Variants in PHACTR2 observed in about 807,000 individuals in gnomAD.
PHACTR2 encodes the protein chromosome 6 open reading frame 56.
PHACTR2 carries 30 observed loss-of-function variants against 76.0 expected under a neutral mutation model. The observed-to-expected ratio is 0.39, with a 90% CI of 0.30 to 0.54. PHACTR2 has a LOEUF of 0.54. PHACTR2 is among the 20% of genes least tolerant of loss of function. The pLI is 0.61. For synonymous variants in PHACTR2, 292 were observed against 292.5 expected, an observed-to-expected ratio of 1.00 and a Z score of 0.02; for missense variants, 696 against 781.1, an observed-to-expected ratio of 0.89 and a Z score of 1.30.
rs1190493534 is a variant in PHACTR2, at chr6:143,722,673, A to G, written c.214+10490A>G. Among the ~76,000 whole-genome samples the G allele has an allele frequency of 6.6e-6, 1 of 152,142 alleles. No individual in the cohort carries two copies. The highest frequency in any genetic ancestry group is 2.4e-5 in the African/African-American group (1 of 41,442). On this transcript the variant is annotated intron_variant, in intron 2 of 12. Transcript: ENST00000440869. This position sits in a 1 kb window ranked among gnomAD's most constrained non-coding sequence, Gnocchi z 4.1. ...TTTGAGATATACAATATTGTTAGCT[A>G]TAGTCACCCCATTGTGCTACTGAAC... is the stretch of plus-strand genomic sequence containing the variant.
Position 143,811,467 on chromosome 6 carries a change from T to C in PHACTR2, c.1922+4334T>C, listed in dbSNP as rs190502386. Among the ~76,000 whole-genome samples, 76 of 152,316 alleles carry C rather than the reference T, an allele frequency of 5.0e-4. No homozygotes were observed. The highest frequency in any genetic ancestry group is 1.8e-3 in the African/African-American group (73 of 41,582). On this transcript the variant is annotated intron_variant, in intron 12 of 12. Coordinates refer to ENST00000440869, the MANE Select transcript of PHACTR2 (RefSeq NM_001100164.2). The surrounding 1 kb of genome is among the most constrained non-coding windows in gnomAD (Gnocchi z 4.1). The stretch of plus-strand genomic sequence containing the variant: ...AGTCTATTGATATTTTTATTGCTTA[T>C]GTAAATATAAACAGATGCAAATATA...
chr6:143,596,324 T>C lies in PHACTR2; in HGVS notation c.217+59117T>C, dbSNP rs1166508212. ...TGGGAGCGGCTAACTAAGCGGGTCGTCCTTTCTCAGAAGGTTTATTTCTTG... is the reference window on the plus strand; with the variant it reads ...TGGGAGCGGCTAACTAAGCGGGTCGCCCTTTCTCAGAAGGTTTATTTCTTG... On this transcript the variant is annotated intron_variant, in intron 1 of 11. Coordinates refer to the PHACTR2 transcript ENST00000367584. The surrounding 1 kb of genome is among the most constrained non-coding windows in gnomAD (Gnocchi z 4.6). Among the ~76,000 whole-genome samples the C allele has an allele frequency of 6.6e-6, 1 of 152,124 alleles. No individual in the cohort carries two copies. The highest frequency in any genetic ancestry group is 1.5e-5 in the Non-Finnish European group (1 of 68,026).
rs1385641430 is a variant in PHACTR2, at chr6:143,828,336, A to C, written c.*4647A>C. The C allele has an allele frequency of 6.6e-6, 1 of 152,152 alleles. No homozygotes were observed. Among genetic ancestry groups the C allele is most frequent in the African/African-American group, 2.4e-5 (1 of 41,408 alleles). 9.4% of individuals were successfully genotyped at this position (152,152 alleles called of 1,614,324 possible). A position where few individuals can be genotyped will look rare whatever the true frequency, so the allele number is the denominator to read the frequency against. On this transcript the variant is annotated 3_prime_UTR_variant, in exon 13 of 13. Transcript: ENST00000440869. This position sits in a 1 kb window ranked among gnomAD's most constrained non-coding sequence, Gnocchi z 4.7. ...ACTGTAAAGGCAGGCAGTGACCAAG[A>C]GGTGGTGGGGAGAGAGGTAGAGTAC...
chr6:143,560,675 G>A (rs1394923399), intron 1 of PHACTR2, among the ~76,000 whole-genome samples: 3 of 152,140 alleles, frequency 2.0e-5, no homozygotes, highest in African/African-American at 7.2e-5. Flanking sequence ...GACCTAGACT[G>A]GGATTGCCAA....
At chr6:143,567,092 T>G (rs1775374685) in intron 1 of PHACTR2, among the ~76,000 whole-genome samples, 1 of 152,164 alleles carries the variant, frequency 6.6e-6, no homozygotes, top group African/African-American at 2.4e-5. Context: ...CCTTTCTGTG[T>G]CTTTCCCAGA....
At chr6:143,719,360 T>C (rs1375623885) in intron 2 of PHACTR2, among the ~76,000 whole-genome samples, 1 of 140,738 alleles carries the variant, frequency 7.1e-6, no homozygotes, top group Non-Finnish European at 1.5e-5. Context: ...TTTTTTTTTT[T>C]TTTTTTTTTT....
At chr6:143,626,515 C>G (rs1278076424) in intron 1 of PHACTR2, among the ~76,000 whole-genome samples, 2 of 120,262 alleles carry the variant, frequency 1.7e-5, no homozygotes, top group Non-Finnish European at 3.4e-5. Context: ...CCATCCTGGG[C>G]AGCAGAGCGA....
Position 143,652,244 on chromosome 6 carries a change from G to T in PHACTR2, c.13+43922G>T, listed in dbSNP as rs1776775209. On this transcript the variant is annotated intron_variant, in intron 1 of 11. Coordinates refer to the PHACTR2 transcript ENST00000305766. This position sits in a 1 kb window ranked among gnomAD's most constrained non-coding sequence, Gnocchi z 4.5. ...TTTCTTTAAATACATACCATTTCTT[G>T]AAATACATTTATTAAGCACAGATGA... Among the ~76,000 whole-genome samples the T allele has an allele frequency of 6.6e-6, 1 of 152,122 alleles. No individual in the cohort carries two copies. Among genetic ancestry groups the T allele is most frequent in the Non-Finnish European group, 1.5e-5 (1 of 68,014 alleles).
Position 143,668,381 on chromosome 6 carries a change from G to T in PHACTR2, c.14-43635G>T, listed in dbSNP as rs141044640. Among the ~76,000 whole-genome samples the T allele has an allele frequency of 1.8e-4, 27 of 152,184 alleles. No homozygotes were observed. In the East Asian group the frequency reaches 5.2e-3, roughly 29 times the overall value. On this transcript the variant is annotated intron_variant, in intron 1 of 11. Transcript: ENST00000305766. The stretch of plus-strand genomic sequence containing the variant: ...CAGGTTTTGGTATCAGGATGATGTT[G>T]GCCTCATAAAATGAGTTAGGGAGGA...
rs11969749 is a variant in PHACTR2 at position 143,750,914 on chromosome 6, A to G, written c.295+1849A>G. On this transcript the variant is annotated intron_variant, in intron 3 of 12. Transcript: ENST00000440869. The surrounding 1 kb of genome is among the most constrained non-coding windows in gnomAD (Gnocchi z 4.6). ...ACTTTCCAGCTTTTCCATGGTCCCT[A>G]TCTAGAACCGTAGAAATTATCTAAT... Among the ~76,000 whole-genome samples, 6,697 of 152,282 alleles carry G rather than the reference A, an allele frequency of 0.044. 500 individuals carry two copies. The highest frequency in any genetic ancestry group is 0.15 in the African/African-American group (6,277 of 41,524).
chr6:143,771,232 A>ATATG lies in PHACTR2; in HGVS notation c.1233-1025_1233-1022dup, dbSNP rs1307569921. Among the ~76,000 whole-genome samples the ATATG allele has an allele frequency of 5.4e-5, 5 of 92,130 alleles. 1 individual carries two copies. The highest frequency in any genetic ancestry group is 1.0e-4 in the Non-Finnish European group (5 of 47,992). The allele number at this position is 92,130 out of a possible 152,430, so 60.4% of individuals were successfully genotyped here. A position where few individuals can be genotyped will look rare whatever the true frequency, so the allele number is the denominator to read the frequency against. ...TATATATATATATATATATATATAT[A>ATATG]TATGCTTTTTTTTATTTTTTTGAGA... is the stretch of plus-strand genomic sequence containing the variant. On this transcript the variant is annotated intron_variant, in intron 6 of 12. Coordinates refer to ENST00000440869, the MANE Select transcript of PHACTR2 (RefSeq NM_001100164.2).
intron 1 of PHACTR2, among the ~76,000 whole-genome samples, chr6:143,681,331 T>C (rs995939558): frequency 6.6e-6 from 1 of 152,216 alleles, no homozygotes; most frequent in East Asian, 1.9e-4. Context: ...GGTTTTGATT[T>C]CCTTTTCCCT....
Position 143,581,386 on chromosome 6 carries a change from A to G in PHACTR2, c.217+44179A>G, listed in dbSNP as rs1176200623. 6.6e-6 allele frequency among the ~76,000 whole-genome samples: 1 copy of G among 151,994 alleles called. No homozygotes were observed. The highest frequency in any genetic ancestry group is 1.9e-4 in the East Asian group (1 of 5,168). ...TCAAGACAAGGAAGGAGGTGAGCTG[A>G]CAGATGTGCTGGAAGAGCACAAGGA... On this transcript the variant is annotated intron_variant, in intron 1 of 11. Transcript: ENST00000367584. The surrounding 1 kb of genome is among the most constrained non-coding windows in gnomAD (Gnocchi z 4.5).
In PHACTR2 at chr6:143,830,777, A is replaced by G. The variant is rs1776651410; in HGVS notation, c.*7088A>G. On this transcript the variant is annotated 3_prime_UTR_variant, in exon 13 of 13. Transcript: ENST00000440869. Reference sequence around the variant, plus strand: ...CTTTCCTAAGTATATATAAATGCATATATGTATAAAATTGGGAAAAGTTAC... The same window carrying G: ...CTTTCCTAAGTATATATAAATGCATGTATGTATAAAATTGGGAAAAGTTAC... 1 of 152,248 alleles carries G rather than the reference A, an allele frequency of 6.6e-6. No individual in the cohort carries two copies. Among genetic ancestry groups the G allele is most frequent in the Non-Finnish European group, 1.5e-5 (1 of 68,028 alleles). The allele number at this position is 152,248 out of a possible 1,614,324, so 9.4% of individuals were successfully genotyped here.
Position 143,807,573 on chromosome 6 carries a change from C to T in PHACTR2, c.1922+440C>T, listed in dbSNP as rs770479423. On this transcript the variant is annotated intron_variant, in intron 12 of 12. Transcript: ENST00000440869. The surrounding 1 kb of genome is among the most constrained non-coding windows in gnomAD (Gnocchi z 5.5). The stretch of plus-strand genomic sequence containing the variant: ...GTCTGAAGACATCATTTATTCTGCT[C>T]TTGAACAGACTTAGTTGAAGTTGTA... 6.6e-6 allele frequency among the ~76,000 whole-genome samples: 1 copy of T among 152,140 alleles called. No individual in the cohort carries two copies. The highest frequency in any genetic ancestry group is 2.1e-4 in the South Asian group (1 of 4,828).
rs1250852084 is a variant in PHACTR2, at chr6:143,683,645, C to T, written c.46+5436C>T. On this transcript the variant is annotated intron_variant, in intron 1 of 12. Transcript: ENST00000440869. This position sits in a 1 kb window ranked among gnomAD's most constrained non-coding sequence, Gnocchi z 4.1. The stretch of plus-strand genomic sequence containing the variant: ...CTGGGTTTCCAAGTTTTGTTCAGGG[C>T]CCTGTATTTGTCTTGTCCAGAATAT... Among the ~76,000 whole-genome samples the T allele has an allele frequency of 6.6e-6, 1 of 152,118 alleles. No homozygotes were observed. The highest frequency in any genetic ancestry group is 1.5e-5 in the Non-Finnish European group (1 of 68,030).
chr6:143,695,993 G>A lies in PHACTR2; in HGVS notation c.47-16023G>A, dbSNP rs1777762009. The stretch of plus-strand genomic sequence containing the variant: ...GTTGTATTAATCAAGTAAGCAACTG[G>A]CCTTTTCTATAAAATAGTTTTATGT... On this transcript the variant is annotated intron_variant, in intron 1 of 12. Transcript: ENST00000440869. The surrounding 1 kb of genome is among the most constrained non-coding windows in gnomAD (Gnocchi z 4.4). Among the ~76,000 whole-genome samples the A allele has an allele frequency of 6.6e-6, 1 of 152,102 alleles. No individual in the cohort carries two copies. The highest frequency in any genetic ancestry group is 6.5e-5 in the Admixed American group (1 of 15,268).
chr6:143,814,000 A>T (rs952966434), intron 12 of PHACTR2, among the ~76,000 whole-genome samples: 1 of 152,220 alleles, frequency 6.6e-6, no homozygotes, highest in African/African-American at 2.4e-5. Context: ...TGTATGTTAC[A>T]TGTGTTATGT....
rs1252935451 is a variant in PHACTR2, at chr6:143,684,127, T to C, written c.46+5918T>C. ...TATGCTCTTATGAACAATACTGAAA[T>C]GAACATCCATATCTATGACCTCTCT... On this transcript the variant is annotated intron_variant, in intron 1 of 12. Transcript: ENST00000440869. This position sits in a 1 kb window ranked among gnomAD's most constrained non-coding sequence, Gnocchi z 4.3. Among the ~76,000 whole-genome samples the C allele has an allele frequency of 3.9e-5, 6 of 152,184 alleles. No homozygotes were observed. In the East Asian group the frequency reaches 9.6e-4, roughly 24 times the overall value.
Sources: gnomAD v4.1 joint callset for allele counts (sites outside exome capture counted in the v4.1 genomes callset) on GRCh38, gnomAD v4.1.1 for gene constraint, Gnocchi (gnomAD v3.1) non-coding constraint, MANE v1.5 for transcripts, NCBI Gene and HGNC (gene_info 2026-07-23, HGNC 2026-07-21) for gene names.